Variants in PMS2 observed in about 807,000 individuals in gnomAD.
PMS2 encodes the protein mismatch repair endonuclease PMS2.
Under a neutral mutation model 90.0 loss-of-function variants are expected in PMS2, and 69 were observed. That is an observed-to-expected ratio of 0.77 (90% CI 0.63 to 0.94). PMS2 has a LOEUF of 0.94. Among genes scored for constraint, PMS2 ranks in the 40% least tolerant of loss-of-function variants. The pLI is 0.00. For missense variants in PMS2, 966 were observed against 1,040.2 expected (o/e 0.93, Z 0.98); for synonymous variants, 332 against 375.1 (o/e 0.89, Z 1.33).
At chr7:6,003,099 G>A (rs1785286693) in intron 4 of PMS2, among the ~76,000 whole-genome samples, 1 of 151,916 alleles carries the variant, frequency 6.6e-6, no homozygotes, top group Admixed American at 6.6e-5. Flanking sequence ...TTTGAGACCA[G>A]CCTAGGCAAC....
intron 14 of PMS2, among the ~76,000 whole-genome samples, chr7:5,977,123 T>C (rs1333708313): frequency 1.3e-5 from 2 of 151,296 alleles, no homozygotes; most frequent in Admixed American, 1.3e-4. Context: ...GGTATGAACT[T>C]GGCTCACTGC....
chr7:6,006,066 T>C (rs773698059), intron 1 of PMS2, 35 bp from the exon 2 acceptor site: 9 of 1,607,186 alleles, frequency 5.6e-6, no homozygotes, highest in Non-Finnish European at 6.8e-6. Flanking sequence ...AAATCAAGTA[T>C]TCAGCTATAT....
chr7:5,983,535 ATTT>A (rs948552913), intron 11 of PMS2, among the ~76,000 whole-genome samples: 1 of 151,772 alleles, frequency 6.6e-6, no homozygotes, highest in Non-Finnish European at 1.5e-5. Flanking sequence ...TCCATATATA[ATTT>A]TTTTTAATTT....
chr7:6,008,462 T>A (rs951156198), intron 1 of PMS2, among the ~76,000 whole-genome samples: 2 of 152,016 alleles, frequency 1.3e-5, no homozygotes, highest in Non-Finnish European at 2.9e-5. Flanking sequence ...CTTAATTTTT[T>A]AAAAAGGCCA....
intron 2 of PMS2, among the ~76,000 whole-genome samples, chr7:6,004,589 C>G (rs994507815): frequency 1.3e-5 from 2 of 151,970 alleles, no homozygotes; most frequent in African/African-American, 4.8e-5. Flanking sequence ...GTGGCGCATG[C>G]CTGTCATCCC....
intron 11 of PMS2, among the ~76,000 whole-genome samples, chr7:5,985,229 C>T (rs1782724667): frequency 6.6e-6 from 1 of 151,500 alleles, no homozygotes; most frequent in African/African-American, 2.4e-5. Flanking sequence ...CCCTGAGTAC[C>T]TGGGACTACA....
intron 1 of PMS2, among the ~76,000 whole-genome samples, chr7:6,006,622 C>T (rs976608721): frequency 6.6e-6 from 1 of 151,422 alleles, no homozygotes; most frequent in Non-Finnish European, 1.5e-5. Flanking sequence ...CATTGCACTC[C>T]AGCCTGGGCA....
chr7:6,003,723 C>A lies in PMS2; in HGVS notation c.320G>T (p.Arg107Leu), dbSNP rs63751284. ...DLTQVETFGF[R>L]GEALSSLCAL... ...ACAAAGTGAGCTCAGAGCTTCCCCC[C>A]GAAAGCCAAAAGTTTCAACCTGAGT... The change falls in exon 4 of 15, where the codon CGG becomes CTG. Residue 107 changes from arginine (R) to leucine (L), a missense_variant. Arg to Leu is a moderately radical substitution (Grantham distance 102). Around this residue, in one of 2 missense-constraint regions of PMS2, gnomAD observed 871 missense variants for 802.4 expected, o/e 1.09. Transcript: ENST00000265849. 8.1e-6 allele frequency: 13 copies of A among 1,598,230 alleles called. No individual in the cohort carries two copies. Among genetic ancestry groups the A allele is most frequent in the African/African-American group, 1.3e-5 (1 of 74,810 alleles).
At chr7:5,984,141 G>C (rs1460790044) in intron 11 of PMS2, among the ~76,000 whole-genome samples, 1 of 151,794 alleles carries the variant, frequency 6.6e-6, no homozygotes, top group Non-Finnish European at 1.5e-5. Flanking sequence ...GACGCTAGAG[G>C]GAGAACTACA....
chr7:5,975,426 C>T (rs1266055160), intron 14 of PMS2, among the ~76,000 whole-genome samples: 1 of 19,072 alleles, frequency 5.2e-5, no homozygotes, highest in East Asian at 4.2e-3. Context: ...GTCCTCTGGA[C>T]GCCGCTCTGC....
chr7:5,997,521 G>C (rs757700363), intron 6 of PMS2, 98 bp from the exon 7 acceptor site: 2 of 743,698 alleles, frequency 2.7e-6, no homozygotes, highest in African/African-American at 1.8e-5. Context: ...CATTACAAGC[G>C]CAAAAAAAAT....
At chr7:5,978,269 CTGATTT>C (rs1333396248) in intron 13 of PMS2, among the ~76,000 whole-genome samples, 4 of 147,536 alleles carry the variant, frequency 2.7e-5, no homozygotes, top group African/African-American at 1.0e-4. Flanking sequence ...ATCTATAGTT[CTGATTT>C]TTTTTTTTTT....
intron 12 of PMS2, among the ~76,000 whole-genome samples, chr7:5,979,051 C>T (rs1562606327): frequency 6.8e-6 from 1 of 147,946 alleles, no homozygotes; most frequent in Non-Finnish European, 1.5e-5. Context: ...AAAAATTAGG[C>T]CAGGCATGGT....
At chr7:5,979,284 G>A (rs1443574553) in intron 12 of PMS2, among the ~76,000 whole-genome samples, 4 of 144,216 alleles carry the variant, frequency 2.8e-5, no homozygotes, top group Admixed American at 1.4e-4. Context: ...CCAGCTACTC[G>A]GGAGGCTGAG....
intron 1 of PMS2, among the ~76,000 whole-genome samples, chr7:6,007,856 AT>A (rs144545311): frequency 0.095 from 11,982 of 126,468 alleles, 372 homozygotes; most frequent in Non-Finnish European, 0.11. Flanking sequence ...TCCACTTCTG[AT>A]TTTTTTTTTT....
chr7:6,002,517 C>A lies in PMS2; in HGVS notation c.473G>T (p.Ser158Ile), dbSNP rs750354871. 3 of 1,611,792 alleles carry A rather than the reference C, an allele frequency of 1.9e-6. No homozygotes were observed. In the Admixed American group the frequency reaches 5.0e-5, roughly 27 times the overall value. Residue 158 changes from serine (S) to isoleucine (I), a missense_variant, in exon 5 of 15, where the codon AGC (serine) becomes ATC (isoleucine). Coordinates refer to ENST00000265849, the MANE Select transcript of PMS2 (RefSeq NM_000535.7). ...TAGTGTGGAAAATAACTGCTGCACGCTGACTGTGGTCCCTCTGGGGCGGGG... is the reference window on the plus strand; with the variant it reads ...TAGTGTGGAAAATAACTGCTGCACGATGACTGTGGTCCCTCTGGGGCGGGG... ...PYPRPRGTTV[S>I]VQQLFSTLPV...
At chr7:6,006,119 T>C (rs55758941) in intron 1 of PMS2, 88 bp from the exon 2 acceptor site, 2 of 1,401,558 alleles carry the variant, frequency 1.4e-6, no homozygotes, top group African/African-American at 2.8e-5. Flanking sequence ...CTCAACACTG[T>C]AAATAATTTA....
chr7:6,002,217 T>G, intron 5 of PMS2: 1 of 425,280 alleles, frequency 2.4e-6, no homozygotes, highest in Non-Finnish European at 4.3e-6. Flanking sequence ...AAATTTTTCA[T>G]AGAGACAGGG....
Position 5,987,012 on chromosome 7 carries a change from G to T in PMS2, c.1753C>A (p.Leu585Ile), listed in dbSNP as rs63750947. ...NTKRFKKEEI[L>I]SSSDICQKLV... ...TTTTGACAAATGTCAGAACTGGAAAGAATTTCTTCTTTTTTAAAACGCTTT... is the reference window on the plus strand; with the variant it reads ...TTTTGACAAATGTCAGAACTGGAAATAATTTCTTCTTTTTTAAAACGCTTT... Residue 585 changes from leucine (L) to isoleucine (I), a missense_variant, in exon 11 of 15, where the codon CTT becomes ATT. By Grantham distance (5) the Leu-to-Ile change is conservative (BLOSUM62 2). Around this residue, in one of 2 missense-constraint regions of PMS2, gnomAD observed 871 missense variants for 802.4 expected, o/e 1.09. Transcript: ENST00000265849. 1.1e-5 allele frequency: 18 copies of T among 1,614,044 alleles called. No homozygotes were observed. Among genetic ancestry groups the T allele is most frequent in the South Asian group, 2.2e-5 (2 of 91,086 alleles).
Sources: allele counts gnomAD v4.1 joint callset (sites outside exome capture counted in the v4.1 genomes callset), GRCh38; gene constraint gnomAD v4.1.1; regional missense constraint gnomAD v4.1.1; transcripts MANE v1.5; gene names NCBI Gene and HGNC (gene_info 2026-07-23, HGNC 2026-07-21).